The following CDCA2 variants were observed in gnomAD, a reference collection of about 807,000 sequenced individuals.
CDCA2 encodes cell division cycle-associated protein 2.
Under a neutral mutation model 67.0 loss-of-function variants are expected in CDCA2, and 44 were observed. The ratio of observed to expected loss-of-function variants is 0.66; its 90% CI spans 0.52 to 0.84. CDCA2 has a LOEUF of 0.84. Ranked by LOEUF, CDCA2 falls within the 40% of genes least tolerant of loss-of-function variation. The pLI is 0.00. For synonymous variants in CDCA2, 447 were observed against 418.7 expected, an observed-to-expected ratio of 1.07 and a Z score of -0.82; for missense variants, 1,253 against 1,203.2, an observed-to-expected ratio of 1.04 and a Z score of -0.61.
chr8:25,476,153 G>A (rs2117502152), intron 7 of CDCA2, among the ~76,000 whole-genome samples: 2 of 152,312 alleles, frequency 1.3e-5, no homozygotes, highest in Middle Eastern at 3.4e-3. Flanking sequence ...TATTCAGAAT[G>A]TTATTTTTGC....
chr8:25,465,832 A>T (rs559215882), intron 4 of CDCA2, among the ~76,000 whole-genome samples: 53 of 152,328 alleles, frequency 3.5e-4, no homozygotes, highest in African/African-American at 1.2e-3. Flanking sequence ...CACCATGCAG[A>T]TGGCTTCCTA....
In CDCA2 at chr8:25,462,066, C is replaced by G. The variant is rs368729942; in HGVS notation, c.245C>G (p.Ser82Cys). 6.2e-7 allele frequency: 1 copy of G among 1,613,780 alleles called. No individual in the cohort carries two copies. Among genetic ancestry groups the G allele is most frequent in the Non-Finnish European group, 8.5e-7 (1 of 1,179,682 alleles). ...AGTTTCATTACAGGAAAGTCATCAT[C>G]CTACCTTAAAAAATGTAGACGACGT... The part of the protein sequence containing the change: ...FVRNSAGKSS[S>C]YLKKCRRRSA... Residue 82 changes from serine (S) to cysteine (C), a missense_variant, in exon 4 of 15, where the codon TCC (serine) becomes TGC (cysteine). Transcript: ENST00000330560.
At chr8:25,470,014 C>T (rs1453444705) in intron 7 of CDCA2, 34 bp downstream of exon 7, 2 of 1,374,024 alleles carry the variant, frequency 1.5e-6, no homozygotes, top group Non-Finnish European at 1.0e-6. Context: ...TGGCCAGTTG[C>T]CCGATTCATA....
At position 25,506,556 on chromosome 8, in the gene CDCA2, A is replaced by G; in HGVS notation, c.1890A>G (p.Lys630=). The change falls in exon 15 of 15, where the codon AAA becomes AAG. Residue 630 remains lysine (K), a synonymous_variant. Transcript: ENST00000330560. ...NGKLEEVKTP[K]NPVKRKDLLR... ...AACTGGAAGAAGTGAAGACTCCTAA[A>G]AATCCAGTGAAAAGAAAGGATCTTT... 1 of 1,595,736 alleles carries G rather than the reference A, an allele frequency of 6.3e-7. No individual in the cohort carries two copies. Among genetic ancestry groups the G allele is most frequent in the South Asian group, 1.2e-5 (1 of 86,622 alleles).
chr8:25,502,745 G>T (rs918942643), intron 13 of CDCA2, among the ~76,000 whole-genome samples: 3 of 151,938 alleles, frequency 2.0e-5, no homozygotes, highest in African/African-American at 7.3e-5. Flanking sequence ...TTATATCTGT[G>T]CAGTTCTAAA....
Position 25,507,717 on chromosome 8 carries a change from T to A in CDCA2, c.3051T>A (p.His1017Gln). 5 of 1,610,556 alleles carry A rather than the reference T, an allele frequency of 3.1e-6. No individual in the cohort carries two copies. In the South Asian group the frequency reaches 5.5e-5, roughly 18 times the overall value. Reference protein sequence around the residue: ...SSLTALERIEHNGERKQ With the variant: ...SSLTALERIEQNGERKQ ...TGACTGCCTTGGAAAGGATTGAACATAATGGAGAAAGAAAGCAGTAATTGA... is the reference window on the plus strand; with the variant it reads ...TGACTGCCTTGGAAAGGATTGAACAAAATGGAGAAAGAAAGCAGTAATTGA... The change falls in exon 15 of 15, where the codon CAT becomes CAA. Residue 1017 changes from histidine to glutamine, a missense_variant. By Grantham distance (24) the His-to-Gln change is conservative. Coordinates refer to ENST00000330560, the MANE Select transcript of CDCA2 (RefSeq NM_152562.4).
intron 12 of CDCA2, 102 bp downstream of exon 12, chr8:25,487,436 A>G: frequency 1.3e-6 from 1 of 778,356 alleles, no homozygotes; most frequent in Non-Finnish European, 2.1e-6. Flanking sequence ...TAGTTTAATC[A>G]GTGTCATTAA....
intron 7 of CDCA2, among the ~76,000 whole-genome samples, chr8:25,476,355 A>G (rs1803347260): frequency 6.6e-6 from 1 of 152,086 alleles, no homozygotes; most frequent in Non-Finnish European, 1.5e-5. Context: ...AGCTCTACTC[A>G]TGAGTGATCT....
intron 13 of CDCA2, among the ~76,000 whole-genome samples, chr8:25,489,819 A>G (rs188957501): frequency 1.5e-4 from 23 of 152,324 alleles, no homozygotes; most frequent in Admixed American, 5.9e-4. Context: ...AATTTCATAC[A>G]CAGCATGGTT....
rs772437412 is a variant in CDCA2 at position 25,507,360 on chromosome 8, G to A, written c.2694G>A (p.Lys898=). The change falls in exon 15 of 15, where the codon AAG becomes AAA. Residue 898 remains lysine, a synonymous_variant. Transcript: ENST00000330560. ...TKVRRSTRLQ[K]DLENEGLVWI... is the part of the protein sequence containing the mutation. Reference sequence around the variant, plus strand: ...TGCGACGTAGCACGAGGCTACAGAAGGATTTAGAAAACGAAGGTCTTGTAT... The same window carrying A: ...TGCGACGTAGCACGAGGCTACAGAAAGATTTAGAAAACGAAGGTCTTGTAT... 10 of 1,613,208 alleles carry A rather than the reference G, an allele frequency of 6.2e-6. No individual in the cohort carries two copies. Among genetic ancestry groups the A allele is most frequent in the Non-Finnish European group, 8.5e-6 (10 of 1,179,874 alleles).
intron 13 of CDCA2, among the ~76,000 whole-genome samples, chr8:25,498,786 G>A (rs978477225): frequency 8.6e-5 from 13 of 151,968 alleles, no homozygotes; most frequent in South Asian, 2.1e-4. Context: ...TTGTCATTTC[G>A]AAAAGGTTAC....
chr8:25,485,526 G>A (rs1242221841), intron 10 of CDCA2, among the ~76,000 whole-genome samples: 1 of 152,136 alleles, frequency 6.6e-6, no homozygotes, highest in Admixed American at 6.5e-5. Context: ...TTAGTAGTTT[G>A]ATGGATTGCA....
At chr8:25,503,312 G>T in intron 13 of CDCA2, 61 bp from the exon 14 acceptor site, 1 of 1,322,906 alleles carries the variant, frequency 7.6e-7, no homozygotes. Context: ...TAGTTAAAGG[G>T]TCAAAATTTT....
chr8:25,489,172 A>G (rs1203788284), intron 13 of CDCA2, among the ~76,000 whole-genome samples: 1 of 152,144 alleles, frequency 6.6e-6, no homozygotes, highest in East Asian at 1.9e-4. Context: ...TGGTTAGCCA[A>G]TTTAACACCT....
intron 7 of CDCA2, among the ~76,000 whole-genome samples, chr8:25,472,688 A>G (rs1803204425): frequency 6.6e-6 from 1 of 152,168 alleles, no homozygotes; most frequent in African/African-American, 2.4e-5. Context: ...TGTGTCATGT[A>G]ATTGTTTTGT....
At chr8:25,489,837 A>G (rs777519792) in intron 13 of CDCA2, among the ~76,000 whole-genome samples, 8 of 152,208 alleles carry the variant, frequency 5.3e-5, no homozygotes, top group Admixed American at 6.5e-5. Context: ...GTTAATGACC[A>G]TATATGAAGA....
intron 4 of CDCA2, among the ~76,000 whole-genome samples, chr8:25,463,585 G>T (rs1439085737): frequency 3.9e-5 from 6 of 151,928 alleles, no homozygotes; most frequent in South Asian, 2.1e-4. Flanking sequence ...TGAATTTAAA[G>T]TGTACTCCTT....
chr8:25,506,854 G>A lies in CDCA2; in HGVS notation c.2188G>A (p.Ala730Thr). The change falls in exon 15 of 15, where the codon GCT becomes ACT. Residue 730 changes from alanine to threonine, a missense_variant. Transcript: ENST00000330560. ...TGTGGCATCAGATAGTCCCAAACCT[G>A]CTCTGACCCTGCAGCAGGGTCAAGA... ...ERVASDSPKP[A>T]LTLQQGQEFS... 1 of 1,613,684 alleles carries A rather than the reference G, an allele frequency of 6.2e-7. No homozygotes were observed. The highest frequency in any genetic ancestry group is 8.5e-7 in the Non-Finnish European group (1 of 1,179,928).
chr8:25,460,476 A>G lies in CDCA2; in HGVS notation c.154A>G (p.Lys52Glu). 3.1e-6 allele frequency: 5 copies of G among 1,614,168 alleles called. No homozygotes were observed. The highest frequency in any genetic ancestry group is 4.2e-6 in the Non-Finnish European group (5 of 1,180,022). The stretch of plus-strand genomic sequence containing the variant: ...TAATCCTTGCACACCAGATACTTTT[A>G]AATCACCTTTGAACTTTTCCACAGT... ...PPNPCTPDTF[K>E]SPLNFSTVTV... The change falls in exon 3 of 15, where the codon AAA becomes GAA. Residue 52 changes from lysine to glutamate, a missense_variant. Transcript: ENST00000330560.
Sources: gnomAD v4.1 joint callset for allele counts (sites outside exome capture counted in the v4.1 genomes callset) on GRCh38, gnomAD v4.1.1 for gene constraint, MANE v1.5 for transcripts, NCBI Gene and HGNC (gene_info 2026-07-23, HGNC 2026-07-21) for gene names.